The following AEN variants were observed in gnomAD, a reference collection of about 807,000 sequenced individuals.
AEN encodes the protein apoptosis enhancing nuclease.
Under a neutral mutation model 17.7 loss-of-function variants are expected in AEN, and 21 were observed. The ratio of observed to expected loss-of-function variants is 1.19; its 90% CI spans 0.84 to 1.71. The LOEUF is 1.71. Among genes scored for constraint, AEN ranks in the 40% most tolerant of loss-of-function variants. The pLI is 0.00. For missense variants in AEN, 462 were observed against 435.9 expected, an observed-to-expected ratio of 1.06 and a Z score of -0.53; for synonymous variants, 190 against 173.0, an observed-to-expected ratio of 1.10 and a Z score of -0.77.
chr15:88,619,621 C>G (rs147211042), upstream of AEN, among the ~76,000 whole-genome samples: 1,968 of 152,190 alleles, frequency 0.013, 35 homozygotes, highest in African/African-American at 0.039. Flanking sequence ...CCGGGAGGCA[C>G]ATGTTGCAGT....
chr15:88,615,749 G>A, the AEN span, among the ~76,000 whole-genome samples: 2 of 152,004 alleles, frequency 1.3e-5, no homozygotes, highest in African/African-American at 4.8e-5. Flanking sequence ...CATGCTGCTG[G>A]GCTAGGACGA....
chr15:88,630,038 G>A lies in AEN; in HGVS notation c.742-20G>A, dbSNP rs374055359. On this transcript the variant is annotated intron_variant, in intron 3 of 3. Coordinates refer to ENST00000332810, the MANE Select transcript of AEN (RefSeq NM_022767.4). This position sits in a 1 kb window ranked among gnomAD's most constrained non-coding sequence, Gnocchi z 5.1. ...TCTCACTAGGCCTGCAGGCAGTGAT[G>A]TGTTGGCTCTCGTCAGTAGGTGGGC... The A allele has an allele frequency of 1.2e-6, 2 of 1,612,934 alleles. No individual in the cohort carries two copies. Among genetic ancestry groups the A allele is most frequent in the African/African-American group, 2.7e-5 (2 of 74,908 alleles).
At chr15:88,610,275 T>C in the AEN span, among the ~76,000 whole-genome samples, 1 of 151,348 alleles carries the variant, frequency 6.6e-6, no homozygotes, top group Non-Finnish European at 1.5e-5. Context: ...GGACTAACCC[T>C]CCTCTCAACA....
At position 88,627,313 on chromosome 15, in the gene AEN, A is replaced by G. The variant is rs16942104; in HGVS notation, c.540+564A>G. On this transcript the variant is annotated intron_variant, in intron 2 of 3. Coordinates refer to ENST00000332810, the MANE Select transcript of AEN (RefSeq NM_022767.4). ...GCTCTGACCCATGTTCCAAAAAATC[A>G]TCACACTGTGTAGACTTGCACCATA... 2.1e-3 allele frequency: 321 copies of G among 156,190 alleles called. 9 individuals carry two copies. The highest frequency in any genetic ancestry group is 0.018 in the East Asian group (93 of 5,280). 9.7% of individuals were successfully genotyped at this position (156,190 alleles called of 1,614,324 possible). A position where few individuals can be genotyped will look rare whatever the true frequency, so the allele number is the denominator to read the frequency against.
chr15:88,612,758 C>G, the AEN span, among the ~76,000 whole-genome samples: 3 of 151,942 alleles, frequency 2.0e-5, no homozygotes, highest in African/African-American at 7.3e-5. Context: ...ATGCCACCAA[C>G]TCAGCTAATT....
At chr15:88,613,258 C>T in the AEN span, among the ~76,000 whole-genome samples, 2 of 152,188 alleles carry the variant, frequency 1.3e-5, no homozygotes, top group African/African-American at 4.8e-5. Context: ...CTTTGGCTGC[C>T]TCTGCTTCTG....
At chr15:88,617,316 C>T (rs1309665200), upstream of AEN, among the ~76,000 whole-genome samples, 1 of 152,158 alleles carries the variant, frequency 6.6e-6, no homozygotes, top group Admixed American at 6.5e-5. Context: ...GGCAGTGGTG[C>T]AATCTTGGCT....
chr15:88,626,378 C>T lies in AEN; in HGVS notation c.169C>T (p.Pro57Ser). Residue 57 changes from proline to serine, a missense_variant, in exon 2 of 4, where the codon CCA (proline) becomes TCA (serine). By Grantham distance (74) the Pro-to-Ser change is moderately conservative. Transcript: ENST00000332810. ...LQEQGLLSMPPEPGSSPLPTP... is the reference protein window; with the variant it reads ...LQEQGLLSMPSEPGSSPLPTP... Reference sequence around the variant, plus strand: ...GGAGCAGGGGCTGCTGAGCATGCCTCCAGAACCAGGGTCCTCCCCACTGCC... The same window carrying T: ...GGAGCAGGGGCTGCTGAGCATGCCTTCAGAACCAGGGTCCTCCCCACTGCC... 5 of 1,612,838 alleles carry T rather than the reference C, an allele frequency of 3.1e-6. No homozygotes were observed. The highest frequency in any genetic ancestry group is 4.2e-6 in the Non-Finnish European group (5 of 1,179,596).
chr15:88,619,507 G>A (rs560514040), upstream of AEN, among the ~76,000 whole-genome samples: 27 of 152,222 alleles, frequency 1.8e-4, no homozygotes, highest in African/African-American at 6.0e-4. Context: ...GACCAACATG[G>A]TGAAACCCCA....
At chr15:88,616,395 G>A (rs2057738854), upstream of AEN, among the ~76,000 whole-genome samples, 1 of 152,138 alleles carries the variant, frequency 6.6e-6, no homozygotes. Flanking sequence ...CCTGGCCTAG[G>A]AGGGAATATT....
chr15:88,630,343 G>A lies in AEN; in HGVS notation c.*49G>A. The A allele has an allele frequency of 6.6e-7, 1 of 1,519,480 alleles. No homozygotes were observed. Among genetic ancestry groups the A allele is most frequent in the African/African-American group, 1.4e-5 (1 of 72,162 alleles). The allele number at this position is 1,519,480 out of a possible 1,614,324, so 94.1% of individuals were successfully genotyped here. A position where few individuals can be genotyped will look rare whatever the true frequency, so the allele number is the denominator to read the frequency against. The stretch of plus-strand genomic sequence containing the variant: ...GGGCTTCCGGTGTGGCCGGTAGGAA[G>A]TGGGGGCCAGGAGAGCAGCGGGCAC... On this transcript the variant is annotated 3_prime_UTR_variant, in exon 4 of 4. Coordinates refer to ENST00000332810, the MANE Select transcript of AEN (RefSeq NM_022767.4). The surrounding 1 kb of genome is among the most constrained non-coding windows in gnomAD (Gnocchi z 5.1).
At chr15:88,612,923 C>T in the AEN span, among the ~76,000 whole-genome samples, 1 of 152,212 alleles carries the variant, frequency 6.6e-6, no homozygotes, top group Admixed American at 6.5e-5. Flanking sequence ...TGCCTGGGAT[C>T]CCTCTGCCTG....
At chr15:88,620,342 C>CATA (rs1394911521), upstream of AEN, among the ~76,000 whole-genome samples, 2 of 152,162 alleles carry the variant, frequency 1.3e-5, no homozygotes. Context: ...TTCGTGCTCA[C>CATA]ATAATACGTG....
upstream of AEN, among the ~76,000 whole-genome samples, chr15:88,618,104 GTT>G (rs2057753646): frequency 6.6e-6 from 1 of 152,120 alleles, no homozygotes; most frequent in South Asian, 2.1e-4. Context: ...CCCCTTGAGA[GTT>G]TGTAGATTTA....
rs997764511 is a variant in AEN at position 88,629,244 on chromosome 15, G to A, written c.559G>A (p.Gly187Ser). The change falls in exon 3 of 4, where the codon GGC (glycine) becomes AGC (serine). Residue 187 changes from glycine to serine, a missense_variant. Gly to Ser is a moderately conservative substitution (Grantham distance 56). Transcript: ENST00000332810. Reference sequence around the variant, plus strand: ...CTCACAGATCCTTAAGCTCCTGAAGGGCAAGGTGGTGGTGGGGCACGCGCT... The same window carrying A: ...CTCACAGATCCTTAAGCTCCTGAAGAGCAAGGTGGTGGTGGGGCACGCGCT... ...AQKEILKLLK[G>S]KVVVGHALHN... is the part of the protein sequence containing the mutation. The A allele has an allele frequency of 6.2e-7, 1 of 1,614,106 alleles. No homozygotes were observed. Among genetic ancestry groups the A allele is most frequent in the Non-Finnish European group, 8.5e-7 (1 of 1,180,004 alleles).
At chr15:88,609,563 A>T in the AEN span, among the ~76,000 whole-genome samples, 13 of 152,240 alleles carry the variant, frequency 8.5e-5, no homozygotes, top group Non-Finnish European at 1.9e-4. Context: ...GGAGGAAACC[A>T]TGGAAACAAG....
intron 2 of AEN, 190 bp downstream of exon 2, chr15:88,626,939 A>G: frequency 1.5e-6 from 1 of 647,566 alleles, no homozygotes. Flanking sequence ...GCCTCCAGAT[A>G]AGGATTGCTG....
At chr15:88,621,969 C>T (rs1388212273) in intron 1 of AEN, among the ~76,000 whole-genome samples, 1 of 152,116 alleles carries the variant, frequency 6.6e-6, no homozygotes, top group Non-Finnish European at 1.5e-5. Flanking sequence ...TAATTAACTA[C>T]ATTTGGGAAG....
intron 1 of AEN, chr15:88,621,668 G>C (rs2057790127): frequency 6.6e-6 from 1 of 152,260 alleles, no homozygotes; most frequent in African/African-American, 2.4e-5. Flanking sequence ...TTCCCGGTGA[G>C]ATCAGGCCTC....
Sources: allele counts gnomAD v4.1 joint callset (sites outside exome capture counted in the v4.1 genomes callset), GRCh38; gene constraint gnomAD v4.1.1; non-coding constraint Gnocchi (gnomAD v3.1); transcripts MANE v1.5; gene names NCBI Gene and HGNC (gene_info 2026-07-23, HGNC 2026-07-21).